Variants in FCHSD2 observed in about 807,000 individuals in gnomAD.
The protein encoded by FCHSD2 is F-BAR and double SH3 domains protein 2.
A neutral mutation model predicts 108.1 loss-of-function variants in FCHSD2; 38 were observed. That is an observed-to-expected ratio of 0.35 (90% CI 0.27 to 0.46). The LOEUF (loss-of-function observed/expected upper bound fraction) is 0.46. FCHSD2 is among the 20% of genes least tolerant of loss of function. The pLI is 1.00. For synonymous variants in FCHSD2, 279 were observed against 314.7 expected (o/e 0.89, Z 1.20); for missense variants, 751 against 897.8 (o/e 0.84, Z 2.09).
intron 9 of FCHSD2, among the ~76,000 whole-genome samples, chr11:72,905,706 G>C (rs1196715946): frequency 1.3e-5 from 2 of 151,678 alleles, no homozygotes; most frequent in African/African-American, 4.9e-5. Context: ...TTCTGTCCTT[G>C]TGATAGTTTG....
chr11:73,080,295 T>TTAAAAAAAAAAAAA (rs1565400571), intron 3 of FCHSD2, among the ~76,000 whole-genome samples: 1 of 75,052 alleles, frequency 1.3e-5, no homozygotes. Flanking sequence ...AGACCCTGTC[T>TTAAAAAAAAAAAAA]CAAAAAAAAA....
intron 14 of FCHSD2, among the ~76,000 whole-genome samples, chr11:72,845,296 C>T (rs1194819204): frequency 6.6e-6 from 1 of 151,956 alleles, no homozygotes; most frequent in Non-Finnish European, 1.5e-5. Context: ...TGGCACGTGC[C>T]TGTAATCCCA....
intron 12 of FCHSD2, among the ~76,000 whole-genome samples, chr11:72,880,878 A>G (rs1346205435): frequency 6.6e-6 from 1 of 151,682 alleles, no homozygotes; most frequent in African/African-American, 2.4e-5. Context: ...GAAAAAAAAA[A>G]AAAGAAAACA....
intron 9 of FCHSD2, among the ~76,000 whole-genome samples, chr11:72,909,424 G>A (rs1855703775): frequency 2.0e-5 from 3 of 152,206 alleles, no homozygotes; most frequent in Admixed American, 6.5e-5. Flanking sequence ...GCCTCCAAAA[G>A]TGCTAAGATT....
At position 73,096,631 on chromosome 11, in the gene FCHSD2, T is replaced by C. The variant is rs183477087; in HGVS notation, c.120-12891A>G. ...TTATAGAATGTCAAACACAAGAGAA[T>C]AGCAATGGTAAAAAGGTGCATCCTT... is the stretch of plus-strand genomic sequence containing the variant. On this transcript the variant is annotated intron_variant, in intron 2 of 19. Coordinates refer to ENST00000409418, the MANE Select transcript of FCHSD2 (RefSeq NM_014824.3). Among the ~76,000 whole-genome samples the C allele has an allele frequency of 1.1e-4, 16 of 152,112 alleles. No homozygotes were observed. The East Asian group carries it at 1.7e-3, about 17-fold the overall frequency.
At chr11:73,015,689 G>A (rs901555406) in intron 4 of FCHSD2, 120 bp downstream of exon 4, 60 of 519,700 alleles carry the variant, frequency 1.2e-4, no homozygotes, top group Middle Eastern at 4.0e-4. Flanking sequence ...AATTATATCC[G>A]AAAACACAGC....
rs1861441921 is a variant in FCHSD2 at position 72,856,892 on chromosome 11, G to A, written c.1309-7003C>T. On this transcript the variant is annotated intron_variant, in intron 13 of 19. Coordinates refer to ENST00000409418, the MANE Select transcript of FCHSD2 (RefSeq NM_014824.3). ...GTATTATATATACTTAGAAGACATT[G>A]CCTTCATATTCTAGGAAAGTTTACA... 2.6e-5 allele frequency among the ~76,000 whole-genome samples: 4 copies of A among 152,252 alleles called. No individual in the cohort carries two copies. The South Asian group carries it at 8.3e-4, about 32-fold the overall frequency.
At chr11:72,950,754 A>AT (rs1354078737) in intron 8 of FCHSD2, among the ~76,000 whole-genome samples, 2 of 152,118 alleles carry the variant, frequency 1.3e-5, no homozygotes, top group Non-Finnish European at 2.9e-5. Context: ...CCACATTATC[A>AT]TTTGGCTTCT....
intron 2 of FCHSD2, among the ~76,000 whole-genome samples, chr11:73,111,913 A>G (rs1287398451): frequency 1.3e-5 from 2 of 151,896 alleles, no homozygotes; most frequent in Non-Finnish European, 2.9e-5. Context: ...CCTATTTTTA[A>G]CTTTTGGTTG....
chr11:73,060,235 C>G (rs1432745819), intron 3 of FCHSD2, among the ~76,000 whole-genome samples: 1 of 152,122 alleles, frequency 6.6e-6, no homozygotes, highest in Non-Finnish European at 1.5e-5. Context: ...GAAGTTTAAA[C>G]AAATGTCTAA....
At chr11:72,887,892 A>G (rs902302131) in intron 11 of FCHSD2, among the ~76,000 whole-genome samples, 3 of 152,202 alleles carry the variant, frequency 2.0e-5, no homozygotes, top group African/African-American at 7.2e-5. Context: ...CTCTTGTTCT[A>G]TGGCATTAAG....
intron 14 of FCHSD2, among the ~76,000 whole-genome samples, chr11:72,848,823 G>A (rs1591338237): frequency 1.3e-5 from 2 of 152,130 alleles, no homozygotes; most frequent in East Asian, 3.8e-4. Context: ...ATAATGGGAG[G>A]TGGTATCAGG....
At chr11:72,867,267 T>G (rs1854748820) in intron 13 of FCHSD2, among the ~76,000 whole-genome samples, 1 of 152,146 alleles carries the variant, frequency 6.6e-6, no homozygotes, top group South Asian at 2.1e-4. Flanking sequence ...TACTTAGATC[T>G]CCAACATGAA....
intron 5 of FCHSD2, among the ~76,000 whole-genome samples, chr11:72,998,207 T>C (rs1857556957): frequency 2.0e-5 from 3 of 152,178 alleles, no homozygotes. Context: ...TTTATATTGT[T>C]CATGAGGTAG....
At chr11:73,079,534 C>T (rs948112438) in intron 3 of FCHSD2, among the ~76,000 whole-genome samples, 4 of 152,094 alleles carry the variant, frequency 2.6e-5, no homozygotes, top group Non-Finnish European at 5.9e-5. Flanking sequence ...ACTGTCCTCT[C>T]TGACCACATC....
chr11:72,935,226 T>C (rs990991552), intron 8 of FCHSD2, among the ~76,000 whole-genome samples: 3 of 152,168 alleles, frequency 2.0e-5, no homozygotes, highest in Admixed American at 1.3e-4. Context: ...AAGAAGATTA[T>C]GATGAATTAG....
rs543951776 is a variant in FCHSD2, at chr11:72,899,938, C to T, written c.924+2605G>A. On this transcript the variant is annotated intron_variant, in intron 10 of 19. Coordinates refer to ENST00000409418, the MANE Select transcript of FCHSD2 (RefSeq NM_014824.3). ...CAACAGTAACATGTCATTAATTTAC[C>T]GTATGACTCTGGACAAGTCTCCCTT... Among the ~76,000 whole-genome samples the T allele has an allele frequency of 3.9e-5, 6 of 152,090 alleles. No homozygotes were observed. In the East Asian group the frequency reaches 1.2e-3, roughly 29 times the overall value.
At chr11:72,850,466 T>TCCTCAG (rs1218366316) in intron 13 of FCHSD2, among the ~76,000 whole-genome samples, 1 of 150,156 alleles carries the variant, frequency 6.7e-6, no homozygotes, top group African/African-American at 2.5e-5. Flanking sequence ...AAGCTCTGCC[T>TCCTCAG]CCTCAGCCTC....
At chr11:73,088,027 A>T (rs754890694) in intron 2 of FCHSD2, among the ~76,000 whole-genome samples, 2 of 152,156 alleles carry the variant, frequency 1.3e-5, no homozygotes, top group Non-Finnish European at 2.9e-5. Flanking sequence ...CTACAGGCAC[A>T]TGCCACCACA....
Sources: gnomAD v4.1 joint callset for allele counts (sites outside exome capture counted in the v4.1 genomes callset) on GRCh38, gnomAD v4.1.1 for gene constraint, MANE v1.5 for transcripts, NCBI Gene and HGNC (gene_info 2026-07-23, HGNC 2026-07-21) for gene names.